The following LZIC variants were observed in gnomAD, a reference collection of about 807,000 sequenced individuals.
LZIC encodes protein LZIC.
In LZIC, 28 loss-of-function variants were observed where a neutral mutation model predicts 25.4. That is an observed-to-expected ratio of 1.10 (90% CI 0.82 to 1.51). The LOEUF (loss-of-function observed/expected upper bound fraction) is 1.51. Among genes scored for constraint, LZIC ranks in the 40% most tolerant of loss-of-function variants. The pLI is 0.00. For missense variants in LZIC, 170 were observed against 211.1 expected, an observed-to-expected ratio of 0.81 and a Z score of 1.21; for synonymous variants, 65 against 70.7, an observed-to-expected ratio of 0.92 and a Z score of 0.40.
intron 1 of LZIC, 78 bp downstream of exon 1, chr1:9,943,171 G>A (rs7535945): frequency 0.089 from 15,579 of 175,184 alleles, 987 homozygotes; most frequent in East Asian, 0.21. Context: ...GTCCCGCGGC[G>A]GCCGGGCTCC....
At chr1:9,941,183 TCG>T (rs1312675933) in intron 2 of LZIC, among the ~76,000 whole-genome samples, 4 of 152,022 alleles carry the variant, frequency 2.6e-5, no homozygotes, top group Admixed American at 6.6e-5. Flanking sequence ...TTTCTTTCGT[TCG>T]TTCGTTCTTT....
chr1:9,928,339 C>A lies in LZIC; in HGVS notation c.*2060G>T, dbSNP rs1232768726. ...AAAAACAACGACAACAACAACAACACAACAACAAACGCAGCAATTCCATTC... is the reference window on the plus strand; with the variant it reads ...AAAAACAACGACAACAACAACAACAAAACAACAAACGCAGCAATTCCATTC... On this transcript the variant is annotated 3_prime_UTR_variant, in exon 8 of 8. Coordinates refer to ENST00000377223, the MANE Select transcript of LZIC (RefSeq NM_032368.5). 1.3e-5 allele frequency among the ~76,000 whole-genome samples: 2 copies of A among 151,928 alleles called. No homozygotes were observed. Among genetic ancestry groups the A allele is most frequent in the East Asian group, 3.9e-4 (2 of 5,158 alleles).
chr1:9,924,725 C>T (rs754658392), downstream of LZIC, among the ~76,000 whole-genome samples: 1 of 151,988 alleles, frequency 6.6e-6, no homozygotes, highest in Non-Finnish European at 1.5e-5. Context: ...TCAATCTGGC[C>T]TGGTTAATGA....
downstream of LZIC, among the ~76,000 whole-genome samples, chr1:9,923,530 T>A (rs1639910511): frequency 7.0e-6 from 1 of 143,276 alleles, no homozygotes; most frequent in South Asian, 2.2e-4. Context: ...TTTTTTTTTT[T>A]TTTTTTTTTT....
At chr1:9,935,858 C>T (rs114237618) in intron 3 of LZIC, among the ~76,000 whole-genome samples, 2,426 of 152,070 alleles carry the variant, frequency 0.016, 61 homozygotes, top group African/African-American at 0.054. Flanking sequence ...AGCAGGGTGC[C>T]GTAGCTCACA....
intron 2 of LZIC, 135 bp from the exon 3 acceptor site, chr1:9,936,762 C>T: frequency 1.6e-6 from 1 of 629,662 alleles, no homozygotes; most frequent in South Asian, 1.9e-5. Context: ...CTAAAGTGAC[C>T]CTCCCATCTT....
downstream of LZIC, among the ~76,000 whole-genome samples, chr1:9,926,173 C>T (rs550835969): frequency 3.3e-5 from 5 of 152,176 alleles, no homozygotes; most frequent in South Asian, 2.1e-4. Flanking sequence ...GTGTGAGCCA[C>T]GGCGCCCTGC....
chr1:9,935,168 G>C (rs1211239383), intron 4 of LZIC, among the ~76,000 whole-genome samples: 1 of 151,606 alleles, frequency 6.6e-6, no homozygotes, highest in Non-Finnish European at 1.5e-5. Flanking sequence ...AGTGGCTCAC[G>C]CTTGTAATCC....
downstream of LZIC, among the ~76,000 whole-genome samples, chr1:9,923,473 G>A (rs1465712118): frequency 6.8e-6 from 1 of 147,926 alleles, no homozygotes; most frequent in Non-Finnish European, 1.5e-5. Context: ...GCCTCCCAAA[G>A]TGCTGGGATC....
downstream of LZIC, chr1:9,922,228 C>T (rs2101568534): frequency 1.1e-6 from 1 of 921,224 alleles, no homozygotes; most frequent in Non-Finnish European, 1.3e-6. Context: ...TCATCCTTTG[C>T]TTCCATTCTT....
At chr1:9,932,250 C>T (rs1640252283) in intron 6 of LZIC, 2 of 256,940 alleles carry the variant, frequency 7.8e-6, no homozygotes, top group Non-Finnish European at 1.5e-5. Context: ...GAGGATGAGG[C>T]AGTAGAATTG....
At chr1:9,937,841 C>G (rs1382684575) in intron 2 of LZIC, among the ~76,000 whole-genome samples, 1 of 107,728 alleles carries the variant, frequency 9.3e-6, no homozygotes, top group African/African-American at 3.7e-5. Context: ...GAGCGAGACC[C>G]TGACTCAAAA....
chr1:9,936,560 C>G lies in LZIC; in HGVS notation c.60G>C (p.Leu20Phe). The change falls in exon 3 of 8, where the codon TTG becomes TTC. Residue 20 changes from leucine (L) to phenylalanine (F), a missense_variant. By Grantham distance (22) the Leu-to-Phe change is conservative. Transcript: ENST00000377223. ...CTTGTAATTGTTGCATGAGTCTATC[C>G]AACTGTTCTTCTAAATTCTGCTTTA... Reference protein sequence around the residue: ...SKLKQNLEEQLDRLMQQLQDL... With the variant: ...SKLKQNLEEQFDRLMQQLQDL... 1 of 1,613,652 alleles carries G rather than the reference C, an allele frequency of 6.2e-7. No individual in the cohort carries two copies. The highest frequency in any genetic ancestry group is 8.5e-7 in the Non-Finnish European group (1 of 1,179,568).
rs562832513 is a variant in LZIC at position 9,929,564 on chromosome 1, G to A, written c.*835C>T. On this transcript the variant is annotated 3_prime_UTR_variant, in exon 8 of 8. Transcript: ENST00000377223. ...AGGTCACGCACAGGGAGGGCCTCTA[G>A]CTGCCATTTCCTGTTGCTTCCCTGG... is the stretch of plus-strand genomic sequence containing the variant. 1.0e-6 allele frequency: 1 copy of A among 985,392 alleles called. No individual in the cohort carries two copies. Among genetic ancestry groups the A allele is most frequent in the South Asian group, 4.7e-5 (1 of 21,288 alleles). The allele number at this position is 985,392 out of a possible 1,614,324, so 61.0% of individuals were successfully genotyped here.
intron 3 of LZIC, 124 bp from the exon 4 acceptor site, chr1:9,935,751 C>T: frequency 1.1e-6 from 1 of 897,792 alleles, no homozygotes; most frequent in Non-Finnish European, 1.7e-6. Flanking sequence ...TGAATGTGTT[C>T]ACATAGTAGT....
At chr1:9,942,995 G>T (rs1484327693) in intron 1 of LZIC, 2 of 341,882 alleles carry the variant, frequency 5.8e-6, no homozygotes, top group Middle Eastern at 1.0e-3. Context: ...ACGCCTTGAG[G>T]GATGGCGTCA....
intron 2 of LZIC, among the ~76,000 whole-genome samples, chr1:9,940,192 T>C (rs1262056323): frequency 4.0e-5 from 6 of 151,648 alleles, no homozygotes; most frequent in Non-Finnish European, 8.8e-5. Flanking sequence ...TTTTGTTTGT[T>C]TTGAGACAGA....
rs545101391 is a variant in LZIC, at chr1:9,929,644, T to C, written c.*755A>G. ...AGGAAACGCTCAACAGGGCTCCCAT[T>C]GTTCCAACCTCAAAATTCCGAGATA... is the stretch of plus-strand genomic sequence containing the variant. On this transcript the variant is annotated 3_prime_UTR_variant, in exon 8 of 8. Transcript: ENST00000377223. The C allele has an allele frequency of 6.1e-6, 6 of 985,412 alleles. No homozygotes were observed. Among genetic ancestry groups the C allele is most frequent in the Non-Finnish European group, 7.2e-6 (6 of 829,924 alleles). The allele number at this position is 985,412 out of a possible 1,614,324, so 61.0% of individuals were successfully genotyped here.
At chr1:9,938,429 G>A (rs946132551) in intron 2 of LZIC, among the ~76,000 whole-genome samples, 1 of 152,142 alleles carries the variant, frequency 6.6e-6, no homozygotes, top group South Asian at 2.1e-4. Flanking sequence ...CCAAAATGCT[G>A]GGATTATAGG....
Sources: allele counts gnomAD v4.1 joint callset (sites outside exome capture counted in the v4.1 genomes callset), GRCh38; gene constraint gnomAD v4.1.1; transcripts MANE v1.5; gene names NCBI Gene and HGNC (gene_info 2026-07-23, HGNC 2026-07-21).